TMCO6: variants seen among roughly 807,000 people sequenced by gnomAD.
TMCO6 encodes the protein transmembrane and coiled-coil domains 6.
TMCO6 carries 47 observed loss-of-function variants against 61.8 expected under a neutral mutation model. The ratio of observed to expected loss-of-function variants is 0.76; its 90% confidence interval spans 0.60 to 0.97. The LOEUF is 0.97. Ranked by LOEUF, TMCO6 falls within the 50% of genes least tolerant of loss-of-function variation. TMCO6 has a pLI of 0.00. For synonymous variants in TMCO6, 261 were observed against 254.2 expected (o/e 1.03, Z -0.25); for missense variants, 557 against 601.6 (o/e 0.93, Z 0.78).
chr5:140,640,219 T>C (rs1046279085), intron 2 of TMCO6, among the ~76,000 whole-genome samples: 4 of 152,156 alleles, frequency 2.6e-5, no homozygotes, highest in Admixed American at 6.6e-5. Flanking sequence ...ATCTTTCCTG[T>C]GCCTTGCAAA....
chr5:140,632,446 C>T, the TMCO6 span: 5 of 1,614,200 alleles, frequency 3.1e-6, no homozygotes, highest in South Asian at 5.5e-5. The surrounding 1 kb of genome is among the most constrained non-coding windows in gnomAD (Gnocchi z 6.2). Context: ...GGCGAGTGTG[C>T]TTGGGCAATG....
the TMCO6 span, among the ~76,000 whole-genome samples, chr5:140,616,166 GA>G: frequency 4.0e-5 from 6 of 148,976 alleles, no homozygotes; most frequent in Non-Finnish European, 8.9e-5. Flanking sequence ...AAAGCATAGT[GA>G]AAAAAAGCTT....
At chr5:140,596,640 C>T in the TMCO6 span, among the ~76,000 whole-genome samples, 57 of 152,280 alleles carry the variant, frequency 3.7e-4, no homozygotes, top group South Asian at 3.9e-3. Flanking sequence ...TGATAAGGAG[C>T]GACTGGCTGG....
At chr5:140,638,644 C>T (rs1756842625), upstream of TMCO6, 1 of 151,602 alleles carries the variant, frequency 6.6e-6, no homozygotes, top group Non-Finnish European at 1.5e-5. Flanking sequence ...GCAATCTCCG[C>T]CTCCCGGGTT....
At chr5:140,599,963 C>A in the TMCO6 span, among the ~76,000 whole-genome samples, 1 of 151,610 alleles carries the variant, frequency 6.6e-6, no homozygotes, top group African/African-American at 2.4e-5. Context: ...TCTGGCAGCT[C>A]CTCAGGTGGT....
the TMCO6 span, among the ~76,000 whole-genome samples, chr5:140,597,910 A>G: frequency 6.6e-6 from 1 of 152,244 alleles, no homozygotes; most frequent in East Asian, 1.9e-4. Context: ...CCTAGGAATT[A>G]TCTATGCTTC....
At chr5:140,615,100 A>G in the TMCO6 span, among the ~76,000 whole-genome samples, 1 of 152,260 alleles carries the variant, frequency 6.6e-6, no homozygotes, top group Non-Finnish European at 1.5e-5. Context: ...AATTTAGTAA[A>G]GTTGCAGGAT....
chr5:140,621,506 T>C, the TMCO6 span, among the ~76,000 whole-genome samples: 2 of 152,196 alleles, frequency 1.3e-5, no homozygotes, highest in African/African-American at 2.4e-5. Flanking sequence ...AGGATGTATG[T>C]TGCCTCAGGA....
At chr5:140,609,295 C>A in the TMCO6 span, 1 of 190,904 alleles carries the variant, frequency 5.2e-6, no homozygotes, top group South Asian at 9.0e-5. Flanking sequence ...ACTGGGCCCT[C>A]AAGTTCATCA....
intron 10 of TMCO6, 118 bp downstream of exon 10, chr5:140,644,312 G>A: frequency 1.7e-6 from 2 of 1,146,278 alleles, no homozygotes; most frequent in Non-Finnish European, 1.3e-6. Context: ...TGTGGCCTCA[G>A]GGCCCAACCA....
the TMCO6 span, among the ~76,000 whole-genome samples, chr5:140,619,309 C>T: frequency 4.6e-5 from 7 of 152,114 alleles, no homozygotes; most frequent in Admixed American, 2.6e-4. Flanking sequence ...CCTTTCTAGC[C>T]TCATGCATTT....
the TMCO6 span, among the ~76,000 whole-genome samples, chr5:140,604,971 T>C: frequency 6.6e-6 from 1 of 152,184 alleles, no homozygotes; most frequent in Non-Finnish European, 1.5e-5. Context: ...TGCATAAACA[T>C]TGAAGGGATG....
chr5:140,644,129 C>G lies in TMCO6; in HGVS notation c.1135C>G (p.Leu379Val), dbSNP rs989079930. Residue 379 changes from leucine (L) to valine (V), a missense_variant, in exon 10 of 12, where the codon CTC becomes GTC. By Grantham distance (32) the Leu-to-Val change is conservative. Coordinates refer to ENST00000394671, the MANE Select transcript of TMCO6 (RefSeq NM_018502.5). ...ANSPSFCTSLLSLDLIEPLLQ... is the reference protein window; with the variant it reads ...ANSPSFCTSLVSLDLIEPLLQ... ...CAGTCCTAGTTTCTGTACCTCCTTG[C>G]TCTCCCTGGATCTGATTGAGCCTCT... 2 of 1,614,122 alleles carry G rather than the reference C, an allele frequency of 1.2e-6. No individual in the cohort carries two copies. Among genetic ancestry groups the G allele is most frequent in the Non-Finnish European group, 1.7e-6 (2 of 1,180,048 alleles).
chr5:140,625,701 G>A, the TMCO6 span, among the ~76,000 whole-genome samples: 1 of 152,208 alleles, frequency 6.6e-6, no homozygotes, highest in African/African-American at 2.4e-5. Flanking sequence ...CACTATAAGT[G>A]CTTTGTCCTC....
At chr5:140,640,402 T>G (rs1393353229) in intron 2 of TMCO6, among the ~76,000 whole-genome samples, 1 of 150,954 alleles carries the variant, frequency 6.6e-6, no homozygotes, top group Non-Finnish European at 1.5e-5. Context: ...GCCTATTTTT[T>G]TTCTTTTCTT....
At chr5:140,638,618 G>T (rs907186297), upstream of TMCO6, 1 of 149,768 alleles carries the variant, frequency 6.7e-6, no homozygotes, top group Non-Finnish European at 1.5e-5. Flanking sequence ...GCAATGGGGC[G>T]CGATCTCGGC....
chr5:140,621,272 G>A, the TMCO6 span, among the ~76,000 whole-genome samples: 4 of 152,166 alleles, frequency 2.6e-5, no homozygotes, highest in Non-Finnish European at 1.5e-5. Flanking sequence ...ACCCCAAATG[G>A]AGGGACGGGC....
intron 2 of TMCO6, 53 bp downstream of exon 2, chr5:140,639,904 C>A: frequency 6.7e-7 from 1 of 1,486,472 alleles, no homozygotes; most frequent in South Asian, 1.2e-5. Context: ...GCGCCAGACT[C>A]CCGGGAGTAC....
chr5:140,616,360 G>A, the TMCO6 span, among the ~76,000 whole-genome samples: 3 of 151,728 alleles, frequency 2.0e-5, no homozygotes, highest in Non-Finnish European at 4.4e-5. Context: ...AAGAGTTCAA[G>A]ACCAGCCTGG....
Sources: allele counts gnomAD v4.1 joint callset (sites outside exome capture counted in the v4.1 genomes callset), GRCh38; gene constraint gnomAD v4.1.1; non-coding constraint Gnocchi (gnomAD v3.1); transcripts MANE v1.5; gene names NCBI Gene and HGNC (gene_info 2026-07-23, HGNC 2026-07-21).